The following CELF4 variants were observed in gnomAD, a reference collection of about 807,000 sequenced individuals.
CELF4 encodes CUGBP Elav-like family member 4, also known as CUG-BP- and ETR-3-like factor 4.
Under a neutral mutation model 59.9 loss-of-function variants are expected in CELF4, and 18 were observed. The ratio of observed to expected loss-of-function variants is 0.30; its 90% confidence interval spans 0.21 to 0.45. CELF4 has a LOEUF of 0.45. Ranked by LOEUF, CELF4 falls within the 20% of genes least tolerant of loss-of-function variation. The probability of loss-of-function intolerance (pLI) is 1.00; values close to 1 mark genes in which losing one functional copy is unlikely to be tolerated. For missense variants in CELF4, 456 were observed against 689.0 expected (o/e 0.66, Z 3.79); for synonymous variants, 261 against 267.1 (o/e 0.98, Z 0.22).
intron 3 of CELF4, among the ~76,000 whole-genome samples, chr18:37,293,005 G>A (rs1464709321): frequency 1.3e-5 from 2 of 152,220 alleles, no homozygotes; most frequent in Non-Finnish European, 2.9e-5. Context: ...AGGGCTGTCT[G>A]ATGGCAGTGG....
chr18:37,333,197 C>T (rs534090163), intron 2 of CELF4, among the ~76,000 whole-genome samples: 2 of 152,318 alleles, frequency 1.3e-5, no homozygotes, highest in Admixed American at 6.5e-5. Flanking sequence ...CTCTGAGAGG[C>T]ATATCCACGT....
chr18:37,395,298 C>T (rs920735699), intron 2 of CELF4, among the ~76,000 whole-genome samples: 2 of 152,078 alleles, frequency 1.3e-5, no homozygotes, highest in African/African-American at 4.8e-5. Context: ...TTTCCTCCTG[C>T]ACTACTTCAT....
At chr18:37,436,283 AT>A (rs2099692199) in intron 2 of CELF4, among the ~76,000 whole-genome samples, 1 of 152,216 alleles carries the variant, frequency 6.6e-6, no homozygotes, top group African/African-American at 2.4e-5. Flanking sequence ...GCAGTTCGAG[AT>A]GCCCTCAAAT....
chr18:37,254,688 A>G lies in CELF4; in HGVS notation c.1334-750T>C, dbSNP rs945399845. On this transcript the variant is annotated intron_variant, in intron 11 of 12. Coordinates refer to ENST00000420428, the MANE Select transcript of CELF4 (RefSeq NM_020180.4). The surrounding 1 kb of genome is among the most constrained non-coding windows in gnomAD (Gnocchi z 5.1). ...AACAAGTCACAAGACCATCAGTGCAAATCAGGCCACAGCCCTCCGTGCAGA... is the reference window on the plus strand; with the variant it reads ...AACAAGTCACAAGACCATCAGTGCAGATCAGGCCACAGCCCTCCGTGCAGA... Among the ~76,000 whole-genome samples the G allele has an allele frequency of 6.6e-6, 1 of 152,244 alleles. No homozygotes were observed.
chr18:37,248,556 C>A (rs1050607908), intron 12 of CELF4, among the ~76,000 whole-genome samples: 1 of 152,146 alleles, frequency 6.6e-6, no homozygotes, highest in Non-Finnish European at 1.5e-5. Flanking sequence ...TCCTCCCTAC[C>A]CCATCCTCTT....
chr18:37,257,000 C>G (rs1216072490), intron 11 of CELF4, among the ~76,000 whole-genome samples: 1 of 152,112 alleles, frequency 6.6e-6, no homozygotes, highest in African/African-American at 2.4e-5. Context: ...TCTCAGGAGT[C>G]TGTCCTTTTT....
chr18:37,346,229 C>G (rs995963221), intron 2 of CELF4, among the ~76,000 whole-genome samples: 1 of 152,214 alleles, frequency 6.6e-6, no homozygotes. Flanking sequence ...AGCTGCATTC[C>G]GGCATCACTT....
chr18:37,388,341 G>A (rs774831795), intron 2 of CELF4, among the ~76,000 whole-genome samples: 6 of 152,070 alleles, frequency 3.9e-5, no homozygotes, highest in East Asian at 3.9e-4. Flanking sequence ...GCACTCTGAC[G>A]CTTCCTCCTT....
chr18:37,269,670 C>A (rs976268407), intron 8 of CELF4, among the ~76,000 whole-genome samples: 1 of 152,226 alleles, frequency 6.6e-6, no homozygotes, highest in Non-Finnish European at 1.5e-5. Context: ...TCCTGCCCAT[C>A]TGTTAATGCT....
intron 2 of CELF4, among the ~76,000 whole-genome samples, chr18:37,423,081 CAG>C: frequency 7.2e-6 from 1 of 137,934 alleles, no homozygotes; most frequent in African/African-American, 2.7e-5. Flanking sequence ...CACACACACA[CAG>C]AGACAGAGAG....
rs531872780 is a variant in CELF4 at position 37,479,101 on chromosome 18, G to A, written c.369+6424C>T. On this transcript the variant is annotated intron_variant, in intron 2 of 12. Transcript: ENST00000420428. ...CTTGGGTCAAGTCTGCCCTGCAGAC[G>A]TGGGTGCATGTGAACGGCAGGCGAC... 1.9e-3 allele frequency among the ~76,000 whole-genome samples: 290 copies of A among 152,382 alleles called. 2 individuals carry two copies. The highest frequency in any genetic ancestry group is 3.1e-3 in the Non-Finnish European group (212 of 68,042).
chr18:37,405,746 G>A (rs2099383983), intron 2 of CELF4, among the ~76,000 whole-genome samples: 2 of 152,210 alleles, frequency 1.3e-5, no homozygotes, highest in South Asian at 4.1e-4. Context: ...TGAGGGAAGA[G>A]GGCGGTGGGC....
Position 37,485,614 on chromosome 18 carries a change from A to T in CELF4, c.287-7T>A, listed in dbSNP as rs779436029. The T allele has an allele frequency of 2.1e-6, 3 of 1,437,922 alleles. No individual in the cohort carries two copies. The East Asian group carries it at 8.4e-5, about 40-fold the overall frequency. The allele number at this position is 1,437,922 out of a possible 1,614,324, so 89.1% of individuals were successfully genotyped here. ...TAGGTGAGGAAGGCGCAGCCTGGGG[A>T]GGAAAGCAAGCGCCAAGAAGGGTCA... On this transcript the variant is annotated splice_region_variant and splice_polypyrimidine_tract_variant and intron_variant, in intron 1 of 12. Coordinates refer to ENST00000420428, the MANE Select transcript of CELF4 (RefSeq NM_020180.4).
chr18:37,273,211 C>T, intron 6 of CELF4, 48 bp from the exon 7 acceptor site: 1 of 1,578,264 alleles, frequency 6.3e-7, no homozygotes, highest in Non-Finnish European at 8.7e-7. Flanking sequence ...CAGGGGGCAT[C>T]CCTCCCCGAC....
At chr18:37,479,371 C>T (rs1569569593) in intron 2 of CELF4, among the ~76,000 whole-genome samples, 1 of 152,216 alleles carries the variant, frequency 6.6e-6, no homozygotes, top group Non-Finnish European at 1.5e-5. Flanking sequence ...GGTTTCTCTA[C>T]CTTGGCATTG....
intron 2 of CELF4, among the ~76,000 whole-genome samples, chr18:37,407,602 TATAC>T (rs79043862): frequency 0.56 from 85,054 of 151,064 alleles, 26,171 homozygotes; most frequent in South Asian, 0.8. Context: ...TGTGTATATA[TATAC>T]ACACATATAC....
At chr18:37,356,884 T>C (rs1398319566) in intron 2 of CELF4, among the ~76,000 whole-genome samples, 2 of 152,142 alleles carry the variant, frequency 1.3e-5, no homozygotes, top group Non-Finnish European at 2.9e-5. Flanking sequence ...CAGGTGTCCA[T>C]GCCCCACACT....
At chr18:37,554,222 C>A (rs1426085172) in intron 1 of CELF4, among the ~76,000 whole-genome samples, 1 of 152,174 alleles carries the variant, frequency 6.6e-6, no homozygotes, top group African/African-American at 2.4e-5. Context: ...GGGGCTGGGG[C>A]TCTGCAAGGA....
At chr18:37,449,872 G>A (rs1373351459) in intron 2 of CELF4, among the ~76,000 whole-genome samples, 2 of 152,180 alleles carry the variant, frequency 1.3e-5, no homozygotes, top group African/African-American at 2.4e-5. Flanking sequence ...TTAGCTGGAG[G>A]CCCTTGGCTC....
Sources: gnomAD v4.1 joint callset for allele counts (sites outside exome capture counted in the v4.1 genomes callset) on GRCh38, gnomAD v4.1.1 for gene constraint, Gnocchi (gnomAD v3.1) non-coding constraint, MANE v1.5 for transcripts, NCBI Gene and HGNC (gene_info 2026-07-23, HGNC 2026-07-21) for gene names.